Variants in MALRD1 observed in about 807,000 individuals in gnomAD.
MALRD1 encodes MAM and LDL-receptor class A domain-containing protein 1.
Under a neutral mutation model 242.1 loss-of-function variants are expected in MALRD1, and 247 were observed. The observed-to-expected ratio is 1.02, with a 90% CI of 0.92 to 1.13. The LOEUF (loss-of-function observed/expected upper bound fraction) is 1.13, where lower values mean the gene tolerates loss of function less well. MALRD1 is among the 50% of genes most tolerant of loss of function. The pLI is 0.00. For missense variants in MALRD1, 2,989 were observed against 2,533.1 expected, an observed-to-expected ratio of 1.18 and a Z score of -3.86; for synonymous variants, 995 against 866.6, an observed-to-expected ratio of 1.15 and a Z score of -2.60.
intron 18 of MALRD1, among the ~76,000 whole-genome samples, chr10:19,249,017 T>G (rs1279104195): frequency 6.8e-6 from 1 of 147,572 alleles, no homozygotes; most frequent in African/African-American, 2.5e-5. Flanking sequence ...ATTTATATGA[T>G]ATATAATATA....
intron 35 of MALRD1, among the ~76,000 whole-genome samples, chr10:19,609,950 T>C (rs1429045951): frequency 2.0e-5 from 3 of 150,964 alleles, no homozygotes; most frequent in African/African-American, 7.4e-5. Flanking sequence ...TTGATAATGG[T>C]GGTGATTATG....
chr10:19,469,301 AC>A (rs1388091904), intron 29 of MALRD1, among the ~76,000 whole-genome samples: 2 of 152,124 alleles, frequency 1.3e-5, no homozygotes, highest in African/African-American at 4.8e-5. Context: ...CGAATTACAT[AC>A]TTTTCTCTTC....
At chr10:19,397,006 A>G (rs562688608) in intron 28 of MALRD1, among the ~76,000 whole-genome samples, 1 of 152,132 alleles carries the variant, frequency 6.6e-6, no homozygotes, top group Non-Finnish European at 1.5e-5. Flanking sequence ...GTGGGGTACA[A>G]TGTGATGTTT....
At chr10:19,314,851 C>T (rs532224586) in intron 21 of MALRD1, among the ~76,000 whole-genome samples, 4 of 151,192 alleles carry the variant, frequency 2.6e-5, no homozygotes, top group Admixed American at 2.0e-4. Context: ...ACCAGCGCAA[C>T]GTGAAGTGCC....
intron 24 of MALRD1, among the ~76,000 whole-genome samples, chr10:19,343,220 G>T (rs1189327399): frequency 6.6e-6 from 1 of 152,036 alleles, no homozygotes; most frequent in Non-Finnish European, 1.5e-5. Flanking sequence ...ATCAGCAAGT[G>T]ATATTAATAT....
At chr10:19,065,738 C>G (rs369825350) in intron 1 of MALRD1, among the ~76,000 whole-genome samples, 1 of 152,158 alleles carries the variant, frequency 6.6e-6, no homozygotes, top group African/African-American at 2.4e-5. Flanking sequence ...TCTCCCTAGT[C>G]TCTTGGATCT....
At chr10:19,550,857 A>G (rs1589229869) in intron 32 of MALRD1, among the ~76,000 whole-genome samples, 1 of 152,208 alleles carries the variant, frequency 6.6e-6, no homozygotes, top group Non-Finnish European at 1.5e-5. Flanking sequence ...TGGGCGGTAT[A>G]TACCCCATAA....
intron 14 of MALRD1, among the ~76,000 whole-genome samples, chr10:19,190,855 A>C (rs1334878679): frequency 6.6e-6 from 1 of 152,184 alleles, no homozygotes; most frequent in Non-Finnish European, 1.5e-5. Flanking sequence ...TAAAACTCTT[A>C]GAAGAAAATA....
chr10:19,171,421 TTTATATAC>T (rs1834917768), intron 13 of MALRD1, among the ~76,000 whole-genome samples: 2 of 31,788 alleles, frequency 6.3e-5, no homozygotes, highest in African/African-American at 2.4e-4. Context: ...CATTTTATAT[TTTATATAC>T]ATATATATAT....
At chr10:19,174,762 A>T (rs928664582) in intron 13 of MALRD1, among the ~76,000 whole-genome samples, 1 of 152,028 alleles carries the variant, frequency 6.6e-6, no homozygotes, top group Non-Finnish European at 1.5e-5. Context: ...GTATGTATAT[A>T]ATATATATTA....
At chr10:19,634,549 T>C (rs1266696629) in intron 36 of MALRD1, among the ~76,000 whole-genome samples, 1 of 152,158 alleles carries the variant, frequency 6.6e-6, no homozygotes, top group African/African-American at 2.4e-5. Flanking sequence ...TATTTTAAAT[T>C]GTATTCGAAA....
At chr10:19,447,038 AG>A (rs1835022958) in intron 28 of MALRD1, among the ~76,000 whole-genome samples, 2 of 96,966 alleles carry the variant, frequency 2.1e-5, no homozygotes, top group East Asian at 2.7e-4. Flanking sequence ...TTTCTCTGTT[AG>A]GAACACACAC....
At chr10:19,225,729 C>T (rs1031002953) in intron 18 of MALRD1, among the ~76,000 whole-genome samples, 1 of 152,146 alleles carries the variant, frequency 6.6e-6, no homozygotes, top group Non-Finnish European at 1.5e-5. Context: ...CAAGAATTGT[C>T]AAAGAAGCTA....
At chr10:19,305,858 CT>C (rs1842143307) in intron 21 of MALRD1, among the ~76,000 whole-genome samples, 1 of 128,764 alleles carries the variant, frequency 7.8e-6, no homozygotes, top group African/African-American at 3.0e-5. Flanking sequence ...ATACTATATA[CT>C]ATACTATATA....
Position 19,485,702 on chromosome 10 carries a change from G to T in MALRD1, c.5030-5815G>T, listed in dbSNP as rs533402791. On this transcript the variant is annotated intron_variant, in intron 29 of 39. Coordinates refer to ENST00000454679, the MANE Select transcript of MALRD1 (RefSeq NM_001142308.3). The stretch of plus-strand genomic sequence containing the variant: ...TAGATCAGTGTAGCTTTTTAAAAAA[G>T]CAATTAATTTTATTGATAGATATCA... Among the ~76,000 whole-genome samples the T allele has an allele frequency of 2.0e-5, 3 of 150,866 alleles. No homozygotes were observed. In the South Asian group the frequency reaches 6.3e-4, roughly 32 times the overall value.
intron 18 of MALRD1, among the ~76,000 whole-genome samples, chr10:19,223,987 T>A (rs1837673405): frequency 1.3e-5 from 2 of 152,210 alleles, no homozygotes; most frequent in Non-Finnish European, 2.9e-5. Context: ...TTTTCTATTG[T>A]GAATAGTGCT....
At chr10:19,470,704 A>G (rs1161670401) in intron 29 of MALRD1, among the ~76,000 whole-genome samples, 1 of 151,824 alleles carries the variant, frequency 6.6e-6, no homozygotes, top group African/African-American at 2.4e-5. Flanking sequence ...GTTTTCATAT[A>G]CCTGTTGTCC....
chr10:19,458,271 G>A (rs1262591376), intron 29 of MALRD1, among the ~76,000 whole-genome samples: 1 of 152,058 alleles, frequency 6.6e-6, no homozygotes, highest in African/African-American at 2.4e-5. Flanking sequence ...TGCAAATATT[G>A]ATTAACAAAA....
chr10:19,452,236 A>G (rs149300557), intron 29 of MALRD1, among the ~76,000 whole-genome samples: 99 of 152,342 alleles, frequency 6.5e-4, no homozygotes, highest in Non-Finnish European at 1.3e-3. Context: ...GATTCAGGAC[A>G]GAAGGAAACT....
Sources: gnomAD v4.1 joint callset for allele counts (sites outside exome capture counted in the v4.1 genomes callset) on GRCh38, gnomAD v4.1.1 for gene constraint, MANE v1.5 for transcripts, NCBI Gene and HGNC (gene_info 2026-07-23, HGNC 2026-07-21) for gene names.